ABCB11: variants seen among roughly 807,000 people sequenced by gnomAD.
ABCB11 encodes the protein bile salt export pump.
A neutral mutation model predicts 148.0 loss-of-function variants in ABCB11; 95 were observed. That is an observed-to-expected ratio of 0.64 (90% CI 0.54 to 0.76). ABCB11 has a LOEUF of 0.76. Among genes scored for constraint, ABCB11 ranks in the 30% least tolerant of loss-of-function variants. ABCB11 has a pLI of 0.00. For missense variants in ABCB11, 1,523 were observed against 1,617.8 expected (o/e 0.94, Z 1.01); for synonymous variants, 591 against 555.4 (o/e 1.06, Z -0.90).
chr2:168,915,682 G>T (rs747267897), exon 3 of ABCB11, among the ~76,000 whole-genome samples: 14 of 152,216 alleles, frequency 9.2e-5, no homozygotes, highest in Non-Finnish European at 1.9e-4. Flanking sequence ...CAGCATGGCT[G>T]CTGTGCATTC....
intron 7 of ABCB11, among the ~76,000 whole-genome samples, chr2:168,994,491 C>A (rs1315929046): frequency 6.6e-6 from 1 of 151,948 alleles, no homozygotes; most frequent in African/African-American, 2.4e-5. Context: ...ATTTTCTTGT[C>A]TGTAAAATAA....
intron 5 of ABCB11, among the ~76,000 whole-genome samples, chr2:169,005,903 A>G (rs2106032684): frequency 6.6e-6 from 1 of 152,342 alleles, no homozygotes; most frequent in East Asian, 1.9e-4. Flanking sequence ...AAGAGATTGA[A>G]TCAGCAATCA....
intron 1 of ABCB11, among the ~76,000 whole-genome samples, chr2:169,026,995 T>C (rs1056667396): frequency 6.6e-6 from 1 of 152,186 alleles, no homozygotes; most frequent in Non-Finnish European, 1.5e-5. Context: ...CCTAATAACT[T>C]GATTTGAGTT....
intron 5 of ABCB11, among the ~76,000 whole-genome samples, chr2:168,999,228 G>A (rs1439686532): frequency 6.6e-6 from 1 of 151,704 alleles, no homozygotes; most frequent in Non-Finnish European, 1.5e-5. Flanking sequence ...ATGACATGAG[G>A]ACTTATTTTG....
At chr2:168,965,117 G>T (rs983249930) in intron 17 of ABCB11, among the ~76,000 whole-genome samples, 1 of 151,854 alleles carries the variant, frequency 6.6e-6, no homozygotes, top group Admixed American at 6.6e-5. Context: ...TGTTACCAAG[G>T]CAAGATTCAT....
rs114304678 is a variant in ABCB11, at chr2:168,980,978, G to T, written c.1084-999C>A. On this transcript the variant is annotated intron_variant, in intron 10 of 27. Transcript: ENST00000650372. Reference sequence around the variant, plus strand: ...AAGAATGGTCCTACTCTTGTGACTCGCATAGAGGATGTTTCATTGGCCACA... The same window carrying T: ...AAGAATGGTCCTACTCTTGTGACTCTCATAGAGGATGTTTCATTGGCCACA... Among the ~76,000 whole-genome samples the T allele has an allele frequency of 9.2e-5, 14 of 152,282 alleles. No individual in the cohort carries two copies. In the South Asian group the frequency reaches 2.3e-3, roughly 25 times the overall value.
At position 168,924,651 on chromosome 2, in the gene ABCB11, A is replaced by G. The variant is rs761201290; in HGVS notation, c.3765+6T>C. On this transcript the variant is annotated splice_donor_region_variant and intron_variant, in intron 27 of 27. Coordinates refer to ENST00000650372, the MANE Select transcript of ABCB11 (RefSeq NM_003742.4). ...TGATCTAAGACTTTAGAAATTCAAC[A>G]CTTACCTTTTCACTTTCTGTGTCTA... 3 of 1,613,678 alleles carry G rather than the reference A, an allele frequency of 1.9e-6. No individual in the cohort carries two copies. In the South Asian group the frequency reaches 3.3e-5, roughly 18 times the overall value.
At chr2:168,983,136 A>T (rs1399589449) in intron 10 of ABCB11, among the ~76,000 whole-genome samples, 1 of 152,134 alleles carries the variant, frequency 6.6e-6, no homozygotes, top group Non-Finnish European at 1.5e-5. Context: ...GGTATTGTGT[A>T]TTATTTGATT....
At chr2:168,966,042 T>A (rs758058779) in intron 17 of ABCB11, among the ~76,000 whole-genome samples, 1 of 151,868 alleles carries the variant, frequency 6.6e-6, no homozygotes, top group Non-Finnish European at 1.5e-5. Flanking sequence ...CGCTACTCCC[T>A]GCCACCAAAC....
rs555459782 is a variant in ABCB11 at position 168,965,873 on chromosome 2, G to A, written c.2076-1565C>T. On this transcript the variant is annotated intron_variant, in intron 17 of 27. Coordinates refer to ENST00000650372, the MANE Select transcript of ABCB11 (RefSeq NM_003742.4). ...AAGGCAGTAATGTATCAACTGAGTTGCTCCAATTTGTTCCCATTTTCTGTT... is the reference window on the plus strand; with the variant it reads ...AAGGCAGTAATGTATCAACTGAGTTACTCCAATTTGTTCCCATTTTCTGTT... Among the ~76,000 whole-genome samples, 6 of 151,884 alleles carry A rather than the reference G, an allele frequency of 4.0e-5. No homozygotes were observed. The South Asian group carries it at 1.2e-3, about 32-fold the overall frequency.
chr2:168,957,212 T>C (rs1182859785), intron 19 of ABCB11, among the ~76,000 whole-genome samples: 2 of 151,686 alleles, frequency 1.3e-5, no homozygotes, highest in African/African-American at 4.8e-5. Context: ...ACTGGCTGGA[T>C]TTGAATCCCA....
Position 169,014,547 on chromosome 2 carries a change from T to C in ABCB11, c.99-193A>G, listed in dbSNP as rs4148775. Reference sequence around the variant, plus strand: ...TTTCCCTCTTCTAGAGATTTCAGTATAGCTCAATCTCAGGTTCACTAGCGA... The same window carrying C: ...TTTCCCTCTTCTAGAGATTTCAGTACAGCTCAATCTCAGGTTCACTAGCGA... On this transcript the variant is annotated intron_variant, in intron 3 of 27. Transcript: ENST00000650372. Among the ~76,000 whole-genome samples the C allele has an allele frequency of 0.015, 2,265 of 152,300 alleles. 246 individuals carry two copies. In the East Asian group the frequency reaches 0.29, roughly 20 times the overall value.
intron 1 of ABCB11, among the ~76,000 whole-genome samples, chr2:169,025,417 T>C (rs926646553): frequency 1.3e-5 from 2 of 152,180 alleles, no homozygotes; most frequent in Non-Finnish European, 1.5e-5. Flanking sequence ...GAAATGAAAC[T>C]GTATCTCTAC....
chr2:168,977,221 A>T (rs28578897), intron 11 of ABCB11, among the ~76,000 whole-genome samples: 26 of 151,574 alleles, frequency 1.7e-4, no homozygotes, highest in African/African-American at 5.6e-4. Context: ...GTGTTTTTAT[A>T]CTTTTATTTA....
intron 9 of ABCB11, among the ~76,000 whole-genome samples, chr2:168,987,100 A>G (rs949023116): frequency 5.3e-5 from 8 of 152,162 alleles, no homozygotes; most frequent in African/African-American, 1.4e-4. Flanking sequence ...TTTACAAGAA[A>G]TAAGGAACCT....
chr2:168,971,038 G>A lies in ABCB11; in HGVS notation c.1638+809C>T, dbSNP rs575020575. Among the ~76,000 whole-genome samples, 9 of 152,104 alleles carry A rather than the reference G, an allele frequency of 5.9e-5. No individual in the cohort carries two copies. In the South Asian group the frequency reaches 1.9e-3, roughly 32 times the overall value. ...TCCTATTCATAAAGAGAATTTAGAA[G>A]GCTGAAAGGGAAGTGTTCAAGATCA... On this transcript the variant is annotated intron_variant, in intron 14 of 27. Transcript: ENST00000650372.
At chr2:168,987,604 A>AT (rs1694370413) in intron 9 of ABCB11, among the ~76,000 whole-genome samples, 1 of 151,906 alleles carries the variant, frequency 6.6e-6, no homozygotes, top group African/African-American at 2.4e-5. Context: ...TAATTTCTGT[A>AT]TTTTTTTGTA....
chr2:169,008,607 A>C (rs1367373653), intron 5 of ABCB11, among the ~76,000 whole-genome samples: 1 of 152,214 alleles, frequency 6.6e-6, no homozygotes. Flanking sequence ...GGGGGTCATT[A>C]TTCTACCTAT....
At chr2:169,005,147 C>T (rs996979106) in intron 5 of ABCB11, among the ~76,000 whole-genome samples, 1 of 152,042 alleles carries the variant, frequency 6.6e-6, no homozygotes, top group Non-Finnish European at 1.5e-5. Context: ...TAGGAGGTGG[C>T]ACTTTCAAGA....
Sources: gnomAD v4.1 joint callset for allele counts (sites outside exome capture counted in the v4.1 genomes callset) on GRCh38, gnomAD v4.1.1 for gene constraint, MANE v1.5 for transcripts, NCBI Gene and HGNC (gene_info 2026-07-23, HGNC 2026-07-21) for gene names.